Variants in LSS observed in about 807,000 individuals in gnomAD.
LSS encodes the protein lanosterol synthase, also known as 2,3-epoxysqualene-lanosterol cyclase.
Under a neutral mutation model 110.3 loss-of-function variants are expected in LSS, and 90 were observed. That is an observed-to-expected ratio of 0.82 (90% CI 0.69 to 0.97). The LOEUF (loss-of-function observed/expected upper bound fraction) is 0.97. Ranked by LOEUF, LSS falls within the 50% of genes least tolerant of loss-of-function variation. The pLI is 0.00. For synonymous variants in LSS, 433 were observed against 400.0 expected, an observed-to-expected ratio of 1.08 and a Z score of -0.98; for missense variants, 927 against 990.0, an observed-to-expected ratio of 0.94 and a Z score of 0.85.
chr21:46,210,894 T>C lies in LSS; in HGVS notation c.1138-150A>G, dbSNP rs1030160495. ...TCAGGCTCTGAGCCCTGGGCACCCC[T>C]CATGGCTGACAAGGGCCTCAGAGAA... On this transcript the variant is annotated intron_variant, in intron 11 of 21. Coordinates refer to ENST00000397728, the MANE Select transcript of LSS (RefSeq NM_002340.6). 40 of 692,504 alleles carry C rather than the reference T, an allele frequency of 5.8e-5. No homozygotes were observed. In the African/African-American group the frequency reaches 7.0e-4, roughly 12 times the overall value. 42.9% of individuals were successfully genotyped at this position (692,504 alleles called of 1,614,324 possible). A position where few individuals can be genotyped will look rare whatever the true frequency, so the allele number is the denominator to read the frequency against.
rs1000679095 is a variant in LSS at position 46,199,110 on chromosome 21, G to A, written c.1671-2843C>T. On this transcript the variant is annotated intron_variant, in intron 17 of 21. Coordinates refer to ENST00000397728, the MANE Select transcript of LSS (RefSeq NM_002340.6). ...AATAGAATGAAAAGACAAGACACAG[G>A]CAGAAAATATTTGCGAAAGACATAT... Among the ~76,000 whole-genome samples the A allele has an allele frequency of 2.0e-4, 31 of 152,100 alleles. 1 individual carries two copies. The highest frequency in any genetic ancestry group is 4.4e-5 in the Non-Finnish European group (3 of 68,028).
chr21:46,219,402 G>T, intron 6 of LSS, 74 bp downstream of exon 6: 5 of 1,064,288 alleles, frequency 4.7e-6, no homozygotes, highest in South Asian at 1.7e-5. Flanking sequence ...GCCTGCACCT[G>T]ACCCACGGTC....
At chr21:46,220,209 A>T (rs528955936) in intron 5 of LSS, 17 of 152,478 alleles carry the variant, frequency 1.1e-4, no homozygotes, top group African/African-American at 4.1e-4. Context: ...AGACCCACAA[A>T]GCTACTAGGC....
At chr21:46,225,441 C>T (rs1045450941) in intron 3 of LSS, 30 of 451,818 alleles carry the variant, frequency 6.6e-5, no homozygotes, top group South Asian at 3.1e-4. Flanking sequence ...CTTAGCATAC[C>T]GGGAAAGGGA....
At chr21:46,220,104 C>G (rs1341032397) in intron 5 of LSS, among the ~76,000 whole-genome samples, 1 of 152,242 alleles carries the variant, frequency 6.6e-6, no homozygotes, top group East Asian at 1.9e-4. Context: ...GCCAGAGCCA[C>G]TTCAGCAGCA....
chr21:46,191,213 T>A lies in LSS; in HGVS notation c.2090A>T (p.Asn697Ile). ...WPQENIAGVFNKSCAISYTSY... is the reference protein window; with the variant it reads ...WPQENIAGVFIKSCAISYTSY... The stretch of plus-strand genomic sequence containing the variant: ...CGTGTAGGAGATGGCACAGGACTTG[T>A]TGAAGACCCCAGCAATGTTTTCCTA... Residue 697 changes from asparagine to isoleucine, a missense_variant, in exon 22 of 22, where the codon AAC (asparagine) becomes ATC (isoleucine). Coordinates refer to ENST00000397728, the MANE Select transcript of LSS (RefSeq NM_002340.6). 1 of 1,614,124 alleles carries A rather than the reference T, an allele frequency of 6.2e-7. No individual in the cohort carries two copies. Among genetic ancestry groups the A allele is most frequent in the Non-Finnish European group, 8.5e-7 (1 of 1,180,024 alleles).
At chr21:46,218,739 T>C (rs1288449173) in intron 6 of LSS, among the ~76,000 whole-genome samples, 3 of 151,314 alleles carry the variant, frequency 2.0e-5, no homozygotes, top group Non-Finnish European at 4.4e-5. Flanking sequence ...TTTTTTTTTT[T>C]TTTTTGAGAC....
chr21:46,221,590 T>C (rs1467660981), intron 5 of LSS, among the ~76,000 whole-genome samples: 1 of 152,220 alleles, frequency 6.6e-6, no homozygotes, highest in Non-Finnish European at 1.5e-5. Flanking sequence ...ACTCTTAGGT[T>C]GAAGTGGTCC....
Position 46,209,974 on chromosome 21 carries a change from C to T in LSS, c.1195-349G>A, listed in dbSNP as rs1302412463. Among the ~76,000 whole-genome samples, 1 of 152,130 alleles carries T rather than the reference C, an allele frequency of 6.6e-6. No homozygotes were observed. Among genetic ancestry groups the T allele is most frequent in the Non-Finnish European group, 1.5e-5 (1 of 68,026 alleles). ...GCTCTCCAGAAACACCTTCAGAATC[C>T]CACCTACCTCATTCCCACCGGCATA... On this transcript the variant is annotated intron_variant, in intron 12 of 21. Transcript: ENST00000397728. The surrounding 1 kb of genome is among the most constrained non-coding windows in gnomAD (Gnocchi z 4.4).
In LSS at chr21:46,191,025, T is replaced by C; in HGVS notation, c.*79A>G. Reference sequence around the variant, plus strand: ...GGGGTTGGAGCCCAAGACAGGGTTATGGGAGGGCTCCCCAACCCGGCCAGG... The same window carrying C: ...GGGGTTGGAGCCCAAGACAGGGTTACGGGAGGGCTCCCCAACCCGGCCAGG... On this transcript the variant is annotated 3_prime_UTR_variant, in exon 22 of 22. Coordinates refer to ENST00000397728, the MANE Select transcript of LSS (RefSeq NM_002340.6). 6.4e-7 allele frequency: 1 copy of C among 1,555,456 alleles called. No homozygotes were observed. The highest frequency in any genetic ancestry group is 8.8e-7 in the Non-Finnish European group (1 of 1,136,044).
chr21:46,225,660 G>T (rs2123765699), intron 3 of LSS, among the ~76,000 whole-genome samples: 1 of 152,306 alleles, frequency 6.6e-6, no homozygotes, highest in Admixed American at 6.5e-5. Context: ...CAAAATTAGT[G>T]AAAGTACTAA....
At position 46,210,636 on chromosome 21, in the gene LSS, C is replaced by T. The variant is rs2839146; in HGVS notation, c.1194+52G>A. 0.34 allele frequency: 535,074 copies of T among 1,577,064 alleles called. 93,375 individuals are homozygous for T. The highest frequency in any genetic ancestry group is 0.46 in the Admixed American group (27,128 of 59,202). ...CTGCCCTCAGGTGGATGCGTGGGCT[C>T]ACGTGCACAGGAAGGTCAGCTGAGG... On this transcript the variant is annotated intron_variant, in intron 12 of 21. Transcript: ENST00000397728.
chr21:46,215,320 G>A (rs1716261996), intron 8 of LSS, 22 bp from the exon 9 acceptor site: 1 of 1,512,610 alleles, frequency 6.6e-7, no homozygotes, highest in Non-Finnish European at 9.1e-7. Flanking sequence ...AGGGGTCAGT[G>A]GATGCCAGAC....
rs541680657 is a variant in LSS at position 46,218,375 on chromosome 21, G to C, written c.647+1101C>G. Among the ~76,000 whole-genome samples, 18 of 152,234 alleles carry C rather than the reference G, an allele frequency of 1.2e-4. No individual in the cohort carries two copies. In the South Asian group the frequency reaches 1.2e-3, roughly 11 times the overall value. ...CGGGAGCAGTGGCTCATGGCTCCCAGCACTTTGGGAGGCCAAGGCAGGCGG... is the reference window on the plus strand; with the variant it reads ...CGGGAGCAGTGGCTCATGGCTCCCACCACTTTGGGAGGCCAAGGCAGGCGG... On this transcript the variant is annotated intron_variant, in intron 6 of 21. Coordinates refer to ENST00000397728, the MANE Select transcript of LSS (RefSeq NM_002340.6).
chr21:46,211,419 G>T (rs149867698), intron 11 of LSS, among the ~76,000 whole-genome samples: 3 of 152,206 alleles, frequency 2.0e-5, no homozygotes, highest in African/African-American at 4.8e-5. Context: ...GTGAGCCACC[G>T]CACCTGGCCA....
chr21:46,219,431 G>T, intron 6 of LSS, 45 bp downstream of exon 6: 2 of 1,394,444 alleles, frequency 1.4e-6, no homozygotes, highest in Non-Finnish European at 1.9e-6. Context: ...TCTACTCCCC[G>T]GGACAGCAGC....
At chr21:46,219,830 G>A (rs2080252951) in intron 5 of LSS, among the ~76,000 whole-genome samples, 2 of 152,212 alleles carry the variant, frequency 1.3e-5, no homozygotes, top group Admixed American at 1.3e-4. Flanking sequence ...AGAGGTGTTT[G>A]CAACCCCTGG....
chr21:46,205,604 AAG>A (rs1305106879), intron 17 of LSS, among the ~76,000 whole-genome samples: 2 of 152,264 alleles, frequency 1.3e-5, no homozygotes, highest in Non-Finnish European at 2.9e-5. Flanking sequence ...ACATTATTAA[AAG>A]AGAGAGAAAA....
chr21:46,188,813 T>C lies in LSS; in HGVS notation c.*2291A>G. 2.1e-6 allele frequency: 1 copy of C among 468,658 alleles called. No homozygotes were observed. The highest frequency in any genetic ancestry group is 3.3e-4 in the Middle Eastern group (1 of 3,062). The allele number at this position is 468,658 out of a possible 1,614,324, so 29.0% of individuals were successfully genotyped here. On this transcript the variant is annotated 3_prime_UTR_variant, in exon 22 of 22. Coordinates refer to ENST00000397728, the MANE Select transcript of LSS (RefSeq NM_002340.6). Reference sequence around the variant, plus strand: ...CAGGGAATCGCTGCGTCCTGTGACTTGAAGGCCACTGTGAAGGAAAACAAT... The same window carrying C: ...CAGGGAATCGCTGCGTCCTGTGACTCGAAGGCCACTGTGAAGGAAAACAAT...
Sources: allele counts gnomAD v4.1 joint callset (sites outside exome capture counted in the v4.1 genomes callset), GRCh38; gene constraint gnomAD v4.1.1; non-coding constraint Gnocchi (gnomAD v3.1); transcripts MANE v1.5; gene names NCBI Gene and HGNC (gene_info 2026-07-23, HGNC 2026-07-21).